The following UNC5A variants were observed in gnomAD, a reference collection of about 807,000 sequenced individuals.
UNC5A encodes unc-5 netrin receptor A.
A neutral mutation model predicts 87.4 loss-of-function variants in UNC5A; 20 were observed. The observed-to-expected ratio is 0.23, with a 90% CI of 0.16 to 0.33. UNC5A has a LOEUF of 0.33. UNC5A is among the 10% of genes least tolerant of loss of function. The pLI, the probability that UNC5A is intolerant of heterozygous loss-of-function variation, is 1.00. For missense variants in UNC5A, 844 were observed against 1,133.4 expected (o/e 0.74, Z 3.67); for synonymous variants, 438 against 482.3 (o/e 0.91, Z 1.20).
chr5:176,854,706 C>T (rs978004415), intron 1 of UNC5A, among the ~76,000 whole-genome samples: 1 of 152,244 alleles, frequency 6.6e-6, no homozygotes, highest in South Asian at 2.1e-4. Flanking sequence ...GCTCTTGTCC[C>T]ATTGCTGGGA....
chr5:176,854,223 C>T (rs1177846327), intron 1 of UNC5A, among the ~76,000 whole-genome samples: 1 of 152,012 alleles, frequency 6.6e-6, no homozygotes, highest in African/African-American at 2.4e-5. Context: ...GATTGAAACC[C>T]AGGTCATGGA....
chr5:176,871,021 C>T (rs1392005243), intron 6 of UNC5A, among the ~76,000 whole-genome samples: 2 of 40,898 alleles, frequency 4.9e-5, no homozygotes, highest in Non-Finnish European at 9.3e-5. Flanking sequence ...TGCCCACACT[C>T]GCCCCACACC....
rs1561644238 is a variant in UNC5A at position 176,830,743 on chromosome 5, T to TGTGCTG, written c.70+19926_70+19927insCTGGTG. 6.0e-3 allele frequency among the ~76,000 whole-genome samples: 857 copies of TGTGCTG among 142,938 alleles called. 16 individuals carry two copies. The highest frequency in any genetic ancestry group is 0.022 in the African/African-American group (825 of 37,402). 93.8% of individuals were successfully genotyped at this position (142,938 alleles called of 152,430 possible). On this transcript the variant is annotated intron_variant, in intron 1 of 14. Coordinates refer to ENST00000329542, the MANE Select transcript of UNC5A (RefSeq NM_133369.3). ...TGGCATGTATGTGTGGGTGTGCTGG[T>TGTGCTG]GTGTGTGCGCTGGCGTGTGTGTAGG...
chr5:176,821,708 T>A (rs1320328379), intron 1 of UNC5A, among the ~76,000 whole-genome samples: 1 of 152,262 alleles, frequency 6.6e-6, no homozygotes, highest in Non-Finnish European at 1.5e-5. Context: ...TTGGCTGTCC[T>A]GAGCCAGGAC....
intron 1 of UNC5A, among the ~76,000 whole-genome samples, chr5:176,829,257 A>T (rs1261268289): frequency 2.9e-5 from 2 of 69,628 alleles, no homozygotes; most frequent in Admixed American, 1.9e-4. Flanking sequence ...GGATGGGTGG[A>T]TGGATGGGTG....
In UNC5A at chr5:176,877,908, G is replaced by A. The variant is rs1231596005; in HGVS notation, c.1650G>A (p.Leu550=). The change falls in exon 11 of 15, where the codon CTG becomes CTA. Residue 550 remains leucine (L), a synonymous_variant. Coordinates refer to ENST00000329542, the MANE Select transcript of UNC5A (RefSeq NM_133369.3). ...CCTGCCCACAGGATGTGCTGCACCT[G>A]GGCGAGGAGGCGCCCTCCCACCTCT... ...CEGSWEDVLH[L]GEEAPSHLYY... is the part of the protein sequence containing the mutation. 5 of 1,601,736 alleles carry A rather than the reference G, an allele frequency of 3.1e-6. No homozygotes were observed. The South Asian group carries it at 4.4e-5, about 14-fold the overall frequency.
At chr5:176,876,555 A>G (rs1243674706) in intron 8 of UNC5A, among the ~76,000 whole-genome samples, 2 of 151,974 alleles carry the variant, frequency 1.3e-5, no homozygotes, top group African/African-American at 4.8e-5. Flanking sequence ...CTCTCCACTC[A>G]CACGCTGATC....
rs562950204 is a variant in UNC5A, at chr5:176,864,367, G to C, written c.292+1522G>C. 3.3e-5 allele frequency among the ~76,000 whole-genome samples: 5 copies of C among 152,336 alleles called. No individual in the cohort carries two copies. The South Asian group carries it at 1.0e-3, about 32-fold the overall frequency. On this transcript the variant is annotated intron_variant, in intron 2 of 14. Transcript: ENST00000329542. ...CCTGGAGGCTGAGACACCAGAGCGG[G>C]CTGCGGTCGCACTTGCACTGTAGGA...
intron 1 of UNC5A, among the ~76,000 whole-genome samples, chr5:176,826,954 G>C (rs1362123529): frequency 4.6e-5 from 7 of 151,854 alleles, no homozygotes; most frequent in Non-Finnish European, 2.9e-5. Flanking sequence ...ATTTTCATCA[G>C]AACAAAGGAG....
chr5:176,847,979 C>A (rs1489102463), intron 1 of UNC5A, among the ~76,000 whole-genome samples: 1 of 152,126 alleles, frequency 6.6e-6, no homozygotes, highest in African/African-American at 2.4e-5. Context: ...AGGTCAGGCC[C>A]AGGGAAGGGC....
chr5:176,875,156 C>A lies in UNC5A; in HGVS notation c.1378+590C>A, dbSNP rs1758230146. ...TAAATGTAGGTGTGCCTCCGAGCTC[C>A]CTCCCAGTGCCCTTCTCCCCGAGCG... is the stretch of plus-strand genomic sequence containing the variant. On this transcript the variant is annotated intron_variant, in intron 8 of 14. Coordinates refer to ENST00000329542, the MANE Select transcript of UNC5A (RefSeq NM_133369.3). The surrounding 1 kb of genome is among the most constrained non-coding windows in gnomAD (Gnocchi z 5.2). Among the ~76,000 whole-genome samples the A allele has an allele frequency of 6.6e-6, 1 of 152,132 alleles. No individual in the cohort carries two copies. The highest frequency in any genetic ancestry group is 1.5e-5 in the Non-Finnish European group (1 of 68,032).
At chr5:176,846,561 G>C (rs1281512833) in intron 1 of UNC5A, among the ~76,000 whole-genome samples, 1 of 152,110 alleles carries the variant, frequency 6.6e-6, no homozygotes, top group Non-Finnish European at 1.5e-5. Context: ...GCCCCAGATC[G>C]GGCCCCCCAG....
chr5:176,870,008 G>A (rs1467914585), intron 5 of UNC5A, among the ~76,000 whole-genome samples: 1 of 152,166 alleles, frequency 6.6e-6, no homozygotes, highest in East Asian at 1.9e-4. Context: ...CAGGGTGTGA[G>A]GTACAGTTTG....
chr5:176,858,291 G>A (rs1047284014), intron 1 of UNC5A, among the ~76,000 whole-genome samples: 1 of 152,192 alleles, frequency 6.6e-6, no homozygotes. Flanking sequence ...TTGAGGTAGG[G>A]GAACCCTCTT....
intron 1 of UNC5A, among the ~76,000 whole-genome samples, chr5:176,821,586 C>T (rs1756729690): frequency 6.6e-6 from 1 of 152,244 alleles, no homozygotes; most frequent in South Asian, 2.1e-4. Flanking sequence ...GCTCTTCAGG[C>T]AGGCTGGGGA....
Position 176,879,390 on chromosome 5 carries a change from C to A in UNC5A, c.2265C>A (p.Ile755=), listed in dbSNP as rs757662256. 6.2e-7 allele frequency: 1 copy of A among 1,613,000 alleles called. No homozygotes were observed. Among genetic ancestry groups the A allele is most frequent in the Non-Finnish European group, 8.5e-7 (1 of 1,179,896 alleles). ...TGGTGGGCCCCAGTGCCTTCAAGAT[C>A]CCCTTCCTCATTCGGCAGAAGATAA... ...PALVGPSAFK[I]PFLIRQKIIS... Residue 755 remains isoleucine (I), a synonymous_variant, in exon 14 of 15, where the codon ATC becomes ATA. Coordinates refer to ENST00000329542, the MANE Select transcript of UNC5A (RefSeq NM_133369.3).
intron 1 of UNC5A, among the ~76,000 whole-genome samples, chr5:176,845,372 G>A (rs1757379701): frequency 6.6e-6 from 1 of 152,226 alleles, no homozygotes; most frequent in African/African-American, 2.4e-5. Context: ...CACCAGATAG[G>A]TCCTGCCTCA....
intron 1 of UNC5A, among the ~76,000 whole-genome samples, chr5:176,834,153 A>G: frequency 6.6e-6 from 1 of 152,180 alleles, no homozygotes; most frequent in Non-Finnish European, 1.5e-5. Flanking sequence ...CTGATACTCC[A>G]GTGGAGGGGA....
rs769542258 is a variant in UNC5A at position 176,878,554 on chromosome 5, G to A, written c.2099G>A (p.Ser700Asn). ...CTFTLERVSP[S>N]TSDLACKLWV... ...TTCACCCTGGAGCGTGTCAGCCCCA[G>A]CACTAGTGACCTGGCCTGCAAGCTG... The change falls in exon 13 of 15, where the codon AGC (serine) becomes AAC (asparagine). Residue 700 changes from serine to asparagine, a missense_variant. Ser to Asn is a conservative substitution (Grantham distance 46, BLOSUM62 1). Around this residue, in one of 3 missense-constraint regions of UNC5A, gnomAD observed 177 missense variants for 279.4 expected, o/e 0.63. Transcript: ENST00000329542. The A allele has an allele frequency of 5.0e-5, 80 of 1,613,202 alleles. No homozygotes were observed. The South Asian group carries it at 5.3e-4, about 11-fold the overall frequency.
Sources: allele counts gnomAD v4.1 joint callset (sites outside exome capture counted in the v4.1 genomes callset), GRCh38; gene constraint gnomAD v4.1.1; regional missense constraint gnomAD v4.1.1; non-coding constraint Gnocchi (gnomAD v3.1); transcripts MANE v1.5; gene names NCBI Gene and HGNC (gene_info 2026-07-23, HGNC 2026-07-21).